GRIA4: variants seen among roughly 807,000 people sequenced by gnomAD.
GRIA4 encodes the protein glutamate ionotropic receptor AMPA type subunit 4, also known as glutamate receptor 4.
GRIA4 carries 34 observed loss-of-function variants against 104.0 expected under a neutral mutation model. The ratio of observed to expected loss-of-function variants is 0.33; its 90% CI spans 0.25 to 0.44. The LOEUF is 0.44. GRIA4 is among the 20% of genes least tolerant of loss of function. GRIA4 has a pLI of 1.00. For missense variants in GRIA4, 750 were observed against 1,096.5 expected, an observed-to-expected ratio of 0.68 and a Z score of 4.46; for synonymous variants, 386 against 381.9, an observed-to-expected ratio of 1.01 and a Z score of -0.13.
chr11:105,802,447 T>A (rs1362781058), intron 4 of GRIA4, among the ~76,000 whole-genome samples: 4 of 152,180 alleles, frequency 2.6e-5, no homozygotes, highest in Non-Finnish European at 4.4e-5. Context: ...ACCTCTTCAA[T>A]GACCTAGCTG....
At chr11:105,755,694 T>C (rs1355675187) in intron 4 of GRIA4, among the ~76,000 whole-genome samples, 1 of 152,212 alleles carries the variant, frequency 6.6e-6, no homozygotes, top group Non-Finnish European at 1.5e-5. Flanking sequence ...CTTGAAGTGG[T>C]AGACTGAGTA....
chr11:105,775,462 T>C (rs1233516284), intron 4 of GRIA4, among the ~76,000 whole-genome samples: 1 of 152,088 alleles, frequency 6.6e-6, no homozygotes, highest in Admixed American at 6.6e-5. Flanking sequence ...AAAGGAGATA[T>C]GGCTAAGCAC....
chr11:105,738,216 C>T (rs1277790726), intron 3 of GRIA4, among the ~76,000 whole-genome samples: 1 of 152,118 alleles, frequency 6.6e-6, no homozygotes, highest in Non-Finnish European at 1.5e-5. Flanking sequence ...TAACTTGTGT[C>T]ATCTTCAATA....
intron 4 of GRIA4, among the ~76,000 whole-genome samples, chr11:105,833,459 AC>A (rs1042308713): frequency 2.0e-5 from 3 of 152,028 alleles, no homozygotes; most frequent in African/African-American, 7.2e-5. Context: ...ATAGATACAG[AC>A]AGATACAGAT....
At chr11:105,644,878 C>T (rs537107992) in intron 3 of GRIA4, among the ~76,000 whole-genome samples, 3 of 152,128 alleles carry the variant, frequency 2.0e-5, no homozygotes, top group Non-Finnish European at 2.9e-5. Context: ...GCTCCTGAAT[C>T]GATAGGAAGG....
At chr11:105,784,919 A>T (rs373463238) in intron 4 of GRIA4, among the ~76,000 whole-genome samples, 17 of 152,306 alleles carry the variant, frequency 1.1e-4, no homozygotes, top group Non-Finnish European at 1.0e-4. Context: ...TGGATATAGG[A>T]TAAGGCCCAG....
At chr11:105,889,293 C>T (rs921403983) in intron 6 of GRIA4, among the ~76,000 whole-genome samples, 6 of 152,098 alleles carry the variant, frequency 3.9e-5, no homozygotes, top group Non-Finnish European at 5.9e-5. Context: ...AAGTAGAAAA[C>T]CATTTTTGTT....
At chr11:105,770,340 G>A (rs1395298671) in intron 4 of GRIA4, among the ~76,000 whole-genome samples, 1 of 152,044 alleles carries the variant, frequency 6.6e-6, no homozygotes, top group Non-Finnish European at 1.5e-5. Flanking sequence ...TATAAGAAAT[G>A]TGTTGGTCAA....
In GRIA4 at chr11:105,611,042, T is replaced by C. The variant is rs781621231; in HGVS notation, c.45T>C (p.Phe15=). Residue 15 remains phenylalanine (F), a synonymous_variant, in exon 2 of 17, where the codon TTT becomes TTC. Coordinates refer to ENST00000282499, the MANE Select transcript of GRIA4 (RefSeq NM_000829.4). The stretch of plus-strand genomic sequence containing the variant: ...AGATTGTCTTGTTATTTTCTGGATT[T>C]TGGGGACTCGCCATGGGAGCCTTTC... ...SRQIVLLFSG[F]WGLAMGAFPS... is the part of the protein sequence containing the mutation. The C allele has an allele frequency of 3.7e-6, 6 of 1,613,778 alleles. No individual in the cohort carries two copies. Among genetic ancestry groups the C allele is most frequent in the Middle Eastern group, 1.7e-4 (1 of 6,060 alleles).
intron 3 of GRIA4, among the ~76,000 whole-genome samples, chr11:105,748,095 T>C (rs185225113): frequency 2.6e-5 from 4 of 152,250 alleles, no homozygotes; most frequent in African/African-American, 9.6e-5. Context: ...CAGTGATTTC[T>C]TCTGCTCATG....
At chr11:105,707,681 A>G (rs1953755570) in intron 3 of GRIA4, 1 of 152,276 alleles carries the variant, frequency 6.6e-6, no homozygotes, top group African/African-American at 2.4e-5. Flanking sequence ...GCAGGTGTTG[A>G]AAGATCATTA....
At chr11:105,761,070 G>A (rs2135716171) in intron 4 of GRIA4, among the ~76,000 whole-genome samples, 1 of 152,090 alleles carries the variant, frequency 6.6e-6, no homozygotes, top group South Asian at 2.1e-4. Context: ...AAAGTACAAG[G>A]AAATCTCCCA....
intron 3 of GRIA4, among the ~76,000 whole-genome samples, chr11:105,724,576 G>A (rs1203755837): frequency 1.3e-5 from 2 of 151,980 alleles, no homozygotes; most frequent in Non-Finnish European, 2.9e-5. Flanking sequence ...ATAAGTGGGA[G>A]CTAAATAGTG....
Position 105,905,306 on chromosome 11 carries a change from GC to G in GRIA4, c.1158+7del. 1.4e-6 allele frequency: 2 copies of G among 1,464,810 alleles called. No homozygotes were observed. Among genetic ancestry groups the G allele is most frequent in the Non-Finnish European group, 1.9e-6 (2 of 1,044,906 alleles). The allele number at this position is 1,464,810 out of a possible 1,614,324, so 90.7% of individuals were successfully genotyped here. ...AAAAGCACAGGACCTAGAAAGGTGA[GC>G]CACGATCAAACTGAAAAACAGAATT... is the stretch of plus-strand genomic sequence containing the variant. On this transcript the variant is annotated splice_donor_region_variant and intron_variant, in intron 9 of 16. Transcript: ENST00000282499.
intron 3 of GRIA4, among the ~76,000 whole-genome samples, chr11:105,680,768 T>A (rs1952684157): frequency 6.6e-6 from 1 of 152,176 alleles, no homozygotes; most frequent in South Asian, 2.1e-4. Flanking sequence ...GAAGTATTGT[T>A]TCCCTATGAG....
intron 1 of GRIA4, chr11:105,610,629 G>A: frequency 5.0e-6 from 1 of 199,386 alleles, no homozygotes. Context: ...AAAGCAAGGG[G>A]CGAGCGCGAG....
chr11:105,923,659 T>G (rs1947628705), intron 11 of GRIA4, among the ~76,000 whole-genome samples: 2 of 152,124 alleles, frequency 1.3e-5, no homozygotes, highest in Admixed American at 6.6e-5. Flanking sequence ...TCAGAAAAAT[T>G]GCTCAAAATG....
At chr11:105,612,888 T>G (rs559957303) in intron 3 of GRIA4, 1 of 154,896 alleles carries the variant, frequency 6.5e-6, no homozygotes, top group Admixed American at 6.4e-5. Context: ...ATGGAAGGCT[T>G]GCTAATAGTG....
rs79561859 is a variant in GRIA4, at chr11:105,943,583, T to C, written c.2294+9614T>C. Among the ~76,000 whole-genome samples the C allele has an allele frequency of 4.9e-4, 75 of 152,200 alleles. No homozygotes were observed. In the East Asian group the frequency reaches 0.013, roughly 27 times the overall value. ...CAACTTCAGCACTACCTAATTTCTT[T>C]TTCATTTTTCTCCTCATCACAAATA... is the stretch of plus-strand genomic sequence containing the variant. On this transcript the variant is annotated intron_variant, in intron 14 of 16. Transcript: ENST00000282499.
Sources: allele counts gnomAD v4.1 joint callset (sites outside exome capture counted in the v4.1 genomes callset), GRCh38; gene constraint gnomAD v4.1.1; transcripts MANE v1.5; gene names NCBI Gene and HGNC (gene_info 2026-07-23, HGNC 2026-07-21).